The following PCDHA3 variants were observed in gnomAD, a reference collection of about 807,000 sequenced individuals.
The protein encoded by PCDHA3 is protocadherin alpha 3.
A neutral mutation model predicts 62.2 loss-of-function variants in PCDHA3; 41 were observed. That is an observed-to-expected ratio of 0.66 (90% confidence interval 0.51 to 0.86). PCDHA3 has a LOEUF of 0.86. Among genes scored for constraint, PCDHA3 ranks in the 40% least tolerant of loss-of-function variants. The pLI is 0.00. For synonymous variants in PCDHA3, 640 were observed against 555.4 expected, an observed-to-expected ratio of 1.15 and a Z score of -2.14; for missense variants, 1,304 against 1,241.2, an observed-to-expected ratio of 1.05 and a Z score of -0.76.
At chr5:140,870,010 G>A in intron 1 of PCDHA3, 1 of 1,613,560 alleles carries the variant, frequency 6.2e-7, no homozygotes, top group Non-Finnish European at 8.5e-7. Context: ...AGAAGTGAGG[G>A]TCAATGGAAC....
chr5:140,834,686 G>A (rs2150224361), intron 1 of PCDHA3: 2 of 1,614,276 alleles, frequency 1.2e-6, no homozygotes, highest in Non-Finnish European at 1.7e-6. Context: ...GGAGCGCGGA[G>A]TGCAGCATCC....
intron 2 of PCDHA3, among the ~76,000 whole-genome samples, chr5:140,979,789 C>CAAAT (rs1244398411): frequency 2.6e-5 from 4 of 152,148 alleles, no homozygotes; most frequent in African/African-American, 9.7e-5. Context: ...GACCAAGAAA[C>CAAAT]AAATGATCAC....
chr5:140,803,115 G>A lies in PCDHA3; in HGVS notation c.1918G>A (p.Val640Met). Residue 640 changes from valine to methionine, a missense_variant, in exon 1 of 4, where the codon GTG (valine) becomes ATG (methionine). Transcript: ENST00000522353. ...CAGCACGACCCGTGCCCTGGACGAG[G>A]TGGACGCCCCGCGCCATCGCCTACT... ...EISTTRALDE[V>M]DAPRHRLLVL... The A allele has an allele frequency of 6.2e-7, 1 of 1,613,830 alleles. No individual in the cohort carries two copies.
chr5:140,801,488 G>A lies in PCDHA3; in HGVS notation c.291G>A (p.Gly97=), dbSNP rs1448988346. The change falls in exon 1 of 4, where the codon GGG becomes GGA. Residue 97 remains glycine (G), a synonymous_variant. Coordinates refer to ENST00000522353, the MANE Select transcript of PCDHA3 (RefSeq NM_018906.3). ...NSRIDREELC[G]RSAECSIHLE... Reference sequence around the variant, plus strand: ...GGATAGACCGCGAGGAACTGTGCGGGCGGAGCGCGGAGTGCAGCATCCACC... The same window carrying A: ...GGATAGACCGCGAGGAACTGTGCGGACGGAGCGCGGAGTGCAGCATCCACC... 6 of 1,614,026 alleles carry A rather than the reference G, an allele frequency of 3.7e-6. No individual in the cohort carries two copies. The highest frequency in any genetic ancestry group is 1.7e-4 in the Middle Eastern group (1 of 5,974).
intron 1 of PCDHA3, chr5:140,864,867 C>A (rs868913325): frequency 3.9e-5 from 6 of 152,058 alleles, no homozygotes; most frequent in South Asian, 2.1e-4. Context: ...AAGGGTGATA[C>A]CATTGTCTGT....
intron 1 of PCDHA3, among the ~76,000 whole-genome samples, chr5:140,919,230 A>G (rs56002): frequency 0.32 from 48,085 of 151,928 alleles, 7,955 homozygotes; most frequent in East Asian, 0.53. Flanking sequence ...TTCTAGTAAC[A>G]CTTTTTGTCT....
intron 1 of PCDHA3, chr5:140,815,219 T>C (rs1019234983): frequency 5.9e-5 from 9 of 152,144 alleles, no homozygotes; most frequent in Admixed American, 4.6e-4. Flanking sequence ...AACTTACTGT[T>C]GCCTCTTTGT....
chr5:140,914,944 CTTTTTT>C (rs35695909), intron 1 of PCDHA3, among the ~76,000 whole-genome samples: 1 of 128,266 alleles, frequency 7.8e-6, no homozygotes, highest in Non-Finnish European at 1.7e-5. Flanking sequence ...GAAAAGTTGT[CTTTTTT>C]TTTTTTTTTT....
intron 1 of PCDHA3, among the ~76,000 whole-genome samples, chr5:140,974,994 A>G (rs901871984): frequency 6.6e-6 from 1 of 152,126 alleles, no homozygotes; most frequent in South Asian, 2.1e-4. Context: ...AGGTATTCTC[A>G]AGGCTGAAAT....
intron 1 of PCDHA3, among the ~76,000 whole-genome samples, chr5:140,831,468 T>C (rs1272624031): frequency 7.9e-6 from 1 of 126,066 alleles, no homozygotes; most frequent in African/African-American, 3.3e-5. Flanking sequence ...CAAGTGATTC[T>C]CTCACCTCAG....
At chr5:140,843,596 T>A in intron 1 of PCDHA3, 1 of 1,596,026 alleles carries the variant, frequency 6.3e-7, no homozygotes, top group Non-Finnish European at 8.6e-7. Flanking sequence ...GCAGAGGGTG[T>A]GCTCTGGTGA....
intron 1 of PCDHA3, chr5:140,868,179 A>G (rs1220525883): frequency 1.3e-5 from 2 of 152,152 alleles, no homozygotes; most frequent in African/African-American, 2.4e-5. Context: ...GATATCTCAT[A>G]TTATGCTACT....
chr5:140,856,900 C>A, intron 1 of PCDHA3: 1 of 1,596,130 alleles, frequency 6.3e-7, no homozygotes, highest in Non-Finnish European at 8.6e-7. Flanking sequence ...GCTCTTTGGT[C>A]CCACCCACGA....
At chr5:140,834,587 C>T (rs2150222038) in intron 1 of PCDHA3, 4 of 1,614,120 alleles carry the variant, frequency 2.5e-6, no homozygotes, top group Admixed American at 3.3e-5. Context: ...GGGCGGTGTG[C>T]AAATTCCGTG....
chr5:140,971,386 G>A (rs1413710321), intron 1 of PCDHA3, among the ~76,000 whole-genome samples: 1 of 152,140 alleles, frequency 6.6e-6, no homozygotes, highest in East Asian at 1.9e-4. Flanking sequence ...CTTTAATAAA[G>A]GCAAATTTCT....
At chr5:140,892,885 ACCAACCTTTCC>A (rs1269753589) in intron 1 of PCDHA3, among the ~76,000 whole-genome samples, 1 of 152,154 alleles carries the variant, frequency 6.6e-6, no homozygotes, top group Non-Finnish European at 1.5e-5. Flanking sequence ...GTATCCATTA[ACCAACCTTTCC>A]CCATCCTCCT....
rs2150240828 is a variant in PCDHA3 at position 140,835,651 on chromosome 5, T to C, written c.2394+32060T>C. The C allele has an allele frequency of 5.0e-6, 8 of 1,613,900 alleles. No individual in the cohort carries two copies. The Admixed American group carries it at 6.7e-5, about 13-fold the overall frequency. On this transcript the variant is annotated intron_variant, in intron 1 of 3. Transcript: ENST00000522353. ...CGCGAGAGTGTGTCCGCCTATGAGC[T>C]GGTGGTTACCGCGCGGGACGGGGGC...
intron 3 of PCDHA3, among the ~76,000 whole-genome samples, chr5:141,005,543 A>G (rs2153984572): frequency 6.6e-6 from 1 of 151,530 alleles, no homozygotes; most frequent in South Asian, 2.1e-4. Context: ...CTCTACTAAA[A>G]ATACAAAAAT....
intron 1 of PCDHA3, chr5:140,843,065 C>T (rs1554139692): frequency 6.3e-7 from 1 of 1,595,232 alleles, no homozygotes; most frequent in Non-Finnish European, 8.6e-7. Flanking sequence ...CAAGCTGGTG[C>T]CGCGGTCTGT....
Sources: allele counts gnomAD v4.1 joint callset (sites outside exome capture counted in the v4.1 genomes callset), GRCh38; gene constraint gnomAD v4.1.1; transcripts MANE v1.5; gene names NCBI Gene and HGNC (gene_info 2026-07-23, HGNC 2026-07-21).